TTC13: variants seen among roughly 807,000 people sequenced by gnomAD.
The protein encoded by TTC13 is tetratricopeptide repeat domain 13.
In TTC13, 62 loss-of-function variants were observed where a neutral mutation model predicts 120.0. The ratio of observed to expected loss-of-function variants is 0.52; its 90% confidence interval spans 0.42 to 0.64. TTC13 has a LOEUF of 0.64. TTC13 is among the 30% of genes least tolerant of loss of function. The probability of loss-of-function intolerance (pLI) is 0.00; values close to 1 mark genes in which losing one functional copy is unlikely to be tolerated. For missense variants in TTC13, 824 were observed against 1,050.2 expected (o/e 0.78, Z 2.98); for synonymous variants, 384 against 393.5 (o/e 0.98, Z 0.28).
intron 1 of TTC13, among the ~76,000 whole-genome samples, chr1:230,977,586 TA>T (rs138521198): frequency 2.7e-4 from 40 of 146,934 alleles, no homozygotes; most frequent in Admixed American, 1.1e-3. Flanking sequence ...TCATCTCAAC[TA>T]AAAAAAAAAG....
chr1:230,919,631 C>T (rs116715420), intron 17 of TTC13, among the ~76,000 whole-genome samples: 2,204 of 152,292 alleles, frequency 0.014, 47 homozygotes, highest in African/African-American at 0.05. Context: ...ACTAGCAGAT[C>T]CACTTAATCC....
rs577954914 is a variant in TTC13, at chr1:230,978,796, A to AAGC, written c.32_34dup (p.Cys11dup). 1.3e-3 allele frequency: 1,876 copies of AAGC among 1,495,968 alleles called. 8 individuals are homozygous for AAGC. The African/African-American group carries it at 0.013, about 10-fold the overall frequency. 92.7% of individuals were successfully genotyped at this position (1,495,968 alleles called of 1,614,324 possible). The stretch of plus-strand genomic sequence containing the variant: ...CGCGGCGGCCACAGCGCCGCCCCAG[A>AAGC]AGCAGCAGCAGCAGCAGCAGCCGGC... On this transcript the variant is annotated inframe_insertion, in exon 1 of 23. Coordinates refer to ENST00000366661, the MANE Select transcript of TTC13 (RefSeq NM_024525.5). This position sits in a 1 kb window ranked among gnomAD's most constrained non-coding sequence, Gnocchi z 5.6.
At position 230,912,694 on chromosome 1, in the gene TTC13, C is replaced by A. The variant is rs188237069; in HGVS notation, c.2158G>T (p.Ala720Ser). 6.2e-7 allele frequency: 1 copy of A among 1,612,548 alleles called. No homozygotes were observed. Among genetic ancestry groups the A allele is most frequent in the Admixed American group, 1.7e-5 (1 of 59,926 alleles). ...TCTTTATAAAGTGCATCTATTTCAG[C>A]ATGATATAATTGTGTCCTTTCTTCC... Reference protein sequence around the residue: ...TTEERTQLYHAEIDALYKDLT... With the variant: ...TTEERTQLYHSEIDALYKDLT... The change falls in exon 19 of 23, where the codon GCT (alanine) becomes TCT (serine). Residue 720 changes from alanine to serine, a missense_variant. Physicochemically the swap from Ala to Ser is moderately conservative, Grantham distance 99. Around this residue, in one of 4 missense-constraint regions of TTC13, gnomAD observed 226 missense variants for 259.1 expected, o/e 0.87. Transcript: ENST00000366661.
At chr1:230,975,502 C>T (rs1273567265) in intron 1 of TTC13, among the ~76,000 whole-genome samples, 1 of 152,084 alleles carries the variant, frequency 6.6e-6, no homozygotes, top group Non-Finnish European at 1.5e-5. Flanking sequence ...TTCATCATTT[C>T]CTCCGACAGT....
intron 3 of TTC13, among the ~76,000 whole-genome samples, chr1:230,955,315 T>C (rs1437045748): frequency 1.3e-5 from 2 of 152,088 alleles, no homozygotes; most frequent in African/African-American, 2.4e-5. Context: ...TTCAAGAAGA[T>C]AGGCAATGAA....
Position 230,912,611 on chromosome 1 carries a change from A to G in TTC13, c.2229+12T>C. The G allele has an allele frequency of 6.2e-7, 1 of 1,607,672 alleles. No homozygotes were observed. Among genetic ancestry groups the G allele is most frequent in the Non-Finnish European group, 8.5e-7 (1 of 1,178,844 alleles). On this transcript the variant is annotated intron_variant, in intron 19 of 22. Coordinates refer to ENST00000366661, the MANE Select transcript of TTC13 (RefSeq NM_024525.5). ...AGGAAGAGCAGAAAAATGGAAACAA[A>G]GAGAAACCTACCCCAAATTCTGATG...
intron 4 of TTC13, among the ~76,000 whole-genome samples, chr1:230,948,219 C>T (rs1675191131): frequency 6.6e-6 from 1 of 152,088 alleles, no homozygotes; most frequent in Non-Finnish European, 1.5e-5. Context: ...CACACATACA[C>T]ATGTGCACAA....
rs186407206 is a variant in TTC13 at position 230,952,783 on chromosome 1, A to C, written c.513+1550T>G. The stretch of plus-strand genomic sequence containing the variant: ...GTGAAAAAGTAATACAAAACAGTAC[A>C]TATATTCAGATTATAAAACAAATGC... On this transcript the variant is annotated intron_variant, in intron 4 of 22. Transcript: ENST00000366661. Among the ~76,000 whole-genome samples, 435 of 152,336 alleles carry C rather than the reference A, an allele frequency of 2.9e-3. 2 individuals carry two copies. Among genetic ancestry groups the C allele is most frequent in the African/African-American group, 9.9e-3 (412 of 41,580 alleles).
chr1:230,921,323 G>T, intron 16 of TTC13, 98 bp downstream of exon 16: 1 of 681,232 alleles, frequency 1.5e-6, no homozygotes, highest in Non-Finnish European at 2.5e-6. Flanking sequence ...ACCTTGTTTA[G>T]CCCGTCAACA....
intron 20 of TTC13, among the ~76,000 whole-genome samples, chr1:230,910,135 T>A (rs1671357599): frequency 1.3e-5 from 2 of 152,214 alleles, no homozygotes; most frequent in Non-Finnish European, 2.9e-5. Context: ...ACAAGTGCCA[T>A]GGGTGGACAC....
chr1:230,946,806 C>G (rs180718007), intron 4 of TTC13, among the ~76,000 whole-genome samples: 122 of 152,272 alleles, frequency 8.0e-4, no homozygotes, highest in Middle Eastern at 3.4e-3. Flanking sequence ...CTGGCCCCTA[C>G]AAAGTTCTGG....
intron 20 of TTC13, among the ~76,000 whole-genome samples, chr1:230,910,447 C>G (rs1208609641): frequency 6.6e-6 from 1 of 152,148 alleles, no homozygotes; most frequent in Non-Finnish European, 1.5e-5. Flanking sequence ...CCGCAGGGCA[C>G]AGAGAGGAGC....
At chr1:230,914,397 C>CT (rs372455166) in intron 18 of TTC13, among the ~76,000 whole-genome samples, 12 of 141,880 alleles carry the variant, frequency 8.5e-5, no homozygotes, top group African/African-American at 1.8e-4. Flanking sequence ...TTATTATTTT[C>CT]TTTTTTTTTC....
chr1:230,956,698 T>G (rs1676117145), intron 3 of TTC13: 1 of 216,842 alleles, frequency 4.6e-6, no homozygotes, highest in African/African-American at 2.3e-5. Flanking sequence ...AATGCAGTTT[T>G]CAAATCCCTC....
intron 3 of TTC13, among the ~76,000 whole-genome samples, chr1:230,957,334 G>A (rs1273304587): frequency 6.6e-6 from 1 of 152,142 alleles, no homozygotes. Context: ...TACCTACTCA[G>A]GAGTCCTAGG....
rs1671718188 is a variant in TTC13 at position 230,913,604 on chromosome 1, GCCT to G, written c.2094-849_2094-847del. Among the ~76,000 whole-genome samples the G allele has an allele frequency of 2.0e-5, 3 of 152,286 alleles. No individual in the cohort carries two copies. The South Asian group carries it at 6.2e-4, about 32-fold the overall frequency. On this transcript the variant is annotated intron_variant, in intron 18 of 22. Transcript: ENST00000366661. ...TCCTGGCCTCAATCTTCCCATCTTG[GCCT>G]CCCAATATGCTGGTATGAGCCACCA...
intron 1 of TTC13, among the ~76,000 whole-genome samples, chr1:230,967,683 T>C (rs919784655): frequency 3.3e-5 from 5 of 152,226 alleles, no homozygotes; most frequent in African/African-American, 1.2e-4. Context: ...GTTATAACTA[T>C]AGTTGTGTGG....
intron 1 of TTC13, among the ~76,000 whole-genome samples, chr1:230,969,098 T>C (rs916988698): frequency 3.3e-5 from 5 of 152,062 alleles, no homozygotes; most frequent in East Asian, 1.9e-4. Context: ...CCGTCTCTAC[T>C]AAAAATACAA....
At chr1:230,965,904 A>T (rs910806179) in intron 1 of TTC13, among the ~76,000 whole-genome samples, 1 of 152,022 alleles carries the variant, frequency 6.6e-6, no homozygotes, top group African/African-American at 2.4e-5. Flanking sequence ...TCTCGCCTCA[A>T]CCTCCCAAAG....
Sources: gnomAD v4.1 joint callset for allele counts (sites outside exome capture counted in the v4.1 genomes callset) on GRCh38, gnomAD v4.1.1 for gene constraint, gnomAD v4.1.1 regional missense constraint, Gnocchi (gnomAD v3.1) non-coding constraint, MANE v1.5 for transcripts, NCBI Gene and HGNC (gene_info 2026-07-23, HGNC 2026-07-21) for gene names.